Variants in BBX observed in about 807,000 individuals in gnomAD.
BBX encodes the protein BBX high mobility group box domain containing, also known as HMG box transcription factor BBX.
Under a neutral mutation model 100.2 loss-of-function variants are expected in BBX, and 30 were observed. That is an observed-to-expected ratio of 0.30 (90% CI 0.22 to 0.41). The LOEUF is 0.41. Ranked by LOEUF, BBX falls within the 10% of genes least tolerant of loss-of-function variation. The pLI is 1.00. For synonymous variants in BBX, 376 were observed against 388.1 expected (o/e 0.97, Z 0.37); for missense variants, 1,023 against 1,129.8 (o/e 0.91, Z 1.35).
At chr3:107,768,825 G>A (rs1372239806) in intron 10 of BBX, among the ~76,000 whole-genome samples, 3 of 150,506 alleles carry the variant, frequency 2.0e-5, no homozygotes, top group Non-Finnish European at 3.0e-5. Context: ...TTCTCATCTA[G>A]TATAGGCTAG....
At chr3:107,596,175 C>G (rs1173529846) in intron 2 of BBX, among the ~76,000 whole-genome samples, 1 of 151,982 alleles carries the variant, frequency 6.6e-6, no homozygotes, top group Non-Finnish European at 1.5e-5. Flanking sequence ...CTTACTTAAC[C>G]TATTTTTATT....
At chr3:107,741,156 G>T (rs1483122840) in intron 7 of BBX, among the ~76,000 whole-genome samples, 3 of 151,802 alleles carry the variant, frequency 2.0e-5, no homozygotes, top group Non-Finnish European at 1.5e-5. Flanking sequence ...GTTCATGCCG[G>T]CAGTGCATGG....
Position 107,773,173 on chromosome 3 carries a change from G to A in BBX, c.1452G>A (p.Glu484=). 1.2e-6 allele frequency: 2 copies of A among 1,614,114 alleles called. No individual in the cohort carries two copies. Among genetic ancestry groups the A allele is most frequent in the African/African-American group, 1.3e-5 (1 of 75,034 alleles). ...KKRQSSESDI[E]SVIYTIEAVA... The stretch of plus-strand genomic sequence containing the variant: ...GGCAGTCTTCGGAATCTGACATTGA[G>A]AGCGTCATATATACCATTGAAGCCG... Residue 484 remains glutamate (E), a synonymous_variant, in exon 11 of 18, where the codon GAG becomes GAA. Coordinates refer to ENST00000325805, the MANE Select transcript of BBX (RefSeq NM_001142568.3). The surrounding 1 kb of genome is among the most constrained non-coding windows in gnomAD (Gnocchi z 4.1).
intron 2 of BBX, among the ~76,000 whole-genome samples, chr3:107,564,812 A>C (rs1191980826): frequency 6.6e-6 from 1 of 152,032 alleles, no homozygotes. Context: ...TCTTTTCACA[A>C]TTTTTTGGCT....
chr3:107,805,679 G>A lies in BBX; in HGVS notation c.*222G>A. 1.3e-6 allele frequency: 1 copy of A among 743,600 alleles called. No homozygotes were observed. Among genetic ancestry groups the A allele is most frequent in the Non-Finnish European group, 2.1e-6 (1 of 486,206 alleles). 46.1% of individuals were successfully genotyped at this position (743,600 alleles called of 1,614,324 possible). A position where few individuals can be genotyped will look rare whatever the true frequency, so the allele number is the denominator to read the frequency against. On this transcript the variant is annotated 3_prime_UTR_variant, in exon 18 of 18. Transcript: ENST00000325805. ...GGTAAGGTTATCTGTCTGATACTGAGCAGAAACAGAATGATCCTGGAGCTT... is the reference window on the plus strand; with the variant it reads ...GGTAAGGTTATCTGTCTGATACTGAACAGAAACAGAATGATCCTGGAGCTT...
chr3:107,748,918 A>T (rs139707443), intron 9 of BBX, among the ~76,000 whole-genome samples: 15 of 152,296 alleles, frequency 9.8e-5, no homozygotes, highest in African/African-American at 3.4e-4. Context: ...TAAATGGAAT[A>T]TAAAATGATA....
Position 107,658,463 on chromosome 3 carries a change from T to G in BBX, c.-10+12554T>G, listed in dbSNP as rs1319580974. On this transcript the variant is annotated intron_variant, in intron 3 of 17. Transcript: ENST00000325805. ...GAATGAATAATAAATTTCCTGTCAT[T>G]GTCGACTCTTCTTTCACACTTAGTG... Among the ~76,000 whole-genome samples the G allele has an allele frequency of 2.0e-5, 3 of 152,166 alleles. No homozygotes were observed. In the East Asian group the frequency reaches 5.8e-4, roughly 29 times the overall value.
intron 3 of BBX, among the ~76,000 whole-genome samples, chr3:107,665,670 G>C (rs1205543377): frequency 6.6e-6 from 1 of 152,140 alleles, no homozygotes; most frequent in Middle Eastern, 3.2e-3. Context: ...AGGCAACCCA[G>C]GCATTGTTCT....
At chr3:107,552,373 AG>A (rs35538669) in intron 2 of BBX, among the ~76,000 whole-genome samples, 79,384 of 91,132 alleles carry the variant, frequency 0.87, 34,846 homozygotes, top group South Asian at 0.97. Context: ...AAAAAAAAAA[AG>A]GGATTGCTCT....
chr3:107,623,422 A>G (rs2055932387), intron 2 of BBX, among the ~76,000 whole-genome samples: 1 of 152,196 alleles, frequency 6.6e-6, no homozygotes, highest in Non-Finnish European at 1.5e-5. Context: ...GGTACTTCAA[A>G]TTTTGTTGTT....
At chr3:107,591,471 G>A (rs1045999230) in intron 2 of BBX, among the ~76,000 whole-genome samples, 2 of 151,982 alleles carry the variant, frequency 1.3e-5, no homozygotes, top group Non-Finnish European at 2.9e-5. Flanking sequence ...GAAAGGAAAG[G>A]GGGAGATATT....
intron 2 of BBX, among the ~76,000 whole-genome samples, chr3:107,576,161 C>G (rs9851055): frequency 6.6e-6 from 1 of 152,166 alleles, no homozygotes; most frequent in South Asian, 2.1e-4. Flanking sequence ...ATTTTTACCA[C>G]GACCAGTGGT....
intron 2 of BBX, among the ~76,000 whole-genome samples, chr3:107,540,029 A>G (rs897147185): frequency 6.6e-6 from 1 of 152,204 alleles, no homozygotes; most frequent in Non-Finnish European, 1.5e-5. Flanking sequence ...GGATCTGGTA[A>G]GAATTGGGAC....
intron 15 of BBX, among the ~76,000 whole-genome samples, chr3:107,791,908 G>A (rs1373458068): frequency 1.3e-5 from 2 of 152,318 alleles, no homozygotes; most frequent in African/African-American, 4.8e-5. Flanking sequence ...GGCTGAGGCA[G>A]GAGAGTTGCT....
At chr3:107,653,428 C>T (rs994573726) in intron 3 of BBX, among the ~76,000 whole-genome samples, 2 of 152,108 alleles carry the variant, frequency 1.3e-5, no homozygotes, top group Non-Finnish European at 2.9e-5. Flanking sequence ...TGATACCTGG[C>T]TTCAGTTAAT....
chr3:107,655,476 T>G (rs600440), intron 3 of BBX, among the ~76,000 whole-genome samples: 84,909 of 149,806 alleles, frequency 0.57, 24,616 homozygotes, highest in East Asian at 0.92. Context: ...TTAATGAGAA[T>G]TCACTAAGTA....
chr3:107,531,797 A>G (rs1469903054), intron 2 of BBX, among the ~76,000 whole-genome samples: 1 of 152,166 alleles, frequency 6.6e-6, no homozygotes, highest in Non-Finnish European at 1.5e-5. Flanking sequence ...AAAGTAGAGT[A>G]TGGGATGAGA....
At chr3:107,647,341 T>C (rs913243428) in intron 3 of BBX, among the ~76,000 whole-genome samples, 3 of 152,204 alleles carry the variant, frequency 2.0e-5, no homozygotes, top group Admixed American at 2.0e-4. Context: ...ACACTTTATC[T>C]GACCTGTTCA....
chr3:107,557,625 G>A (rs761119311), intron 2 of BBX, among the ~76,000 whole-genome samples: 9 of 152,124 alleles, frequency 5.9e-5, no homozygotes, highest in Non-Finnish European at 1.2e-4. Flanking sequence ...ACCTATTCCC[G>A]GCTTTCATTC....
Sources: allele counts gnomAD v4.1 joint callset (sites outside exome capture counted in the v4.1 genomes callset), GRCh38; gene constraint gnomAD v4.1.1; non-coding constraint Gnocchi (gnomAD v3.1); transcripts MANE v1.5; gene names NCBI Gene and HGNC (gene_info 2026-07-23, HGNC 2026-07-21).